The following OR5D16 variants were observed in gnomAD, a reference collection of about 807,000 sequenced individuals.
The protein encoded by OR5D16 is olfactory receptor 5D16.
For missense variants in OR5D16, 477 were observed against 385.5 expected (o/e 1.24, Z -1.99); for synonymous variants, 185 against 153.2 (o/e 1.21, Z -1.53).
chr11:55,838,836 C>G lies in OR5D16; in HGVS notation c.85C>G (p.Leu29Val). The G allele has an allele frequency of 6.2e-7, 1 of 1,613,916 alleles. No individual in the cohort carries two copies. Among genetic ancestry groups the G allele is most frequent in the Non-Finnish European group, 8.5e-7 (1 of 1,179,876 alleles). ...AGATTACCTGGAACTGCAAATTCCCCTCTTCTTTGTATTTCTGGCAGTCTA... is the reference window on the plus strand; with the variant it reads ...AGATTACCTGGAACTGCAAATTCCCGTCTTCTTTGTATTTCTGGCAGTCTA... Reference protein sequence around the residue: ...FSDYLELQIPLFFVFLAVYGF... With the variant: ...FSDYLELQIPVFFVFLAVYGF... Residue 29 changes from leucine to valine, a missense_variant, in exon 1 of 1, where the codon CTC becomes GTC. Physicochemically the swap from Leu to Val is conservative, Grantham distance 32. Transcript: ENST00000378396.
rs1219814150 is a variant in OR5D16, at chr11:55,838,816, A to G, written c.65A>G (p.Tyr22Cys). The G allele has an allele frequency of 6.2e-7, 1 of 1,613,716 alleles. No individual in the cohort carries two copies. Among genetic ancestry groups the G allele is most frequent in the South Asian group, 1.1e-5 (1 of 91,076 alleles). ...TTCACTCTCTTGGGCTTCTCAGATT[A>G]CCTGGAACTGCAAATTCCCCTCTTC... ...ATFTLLGFSD[Y>C]LELQIPLFFV... Residue 22 changes from tyrosine (Y) to cysteine (C), a missense_variant, in exon 1 of 1, where the codon TAC becomes TGC. By Grantham distance (194) the Tyr-to-Cys change is radical (BLOSUM62 -2). Transcript: ENST00000378396.
rs1471863057 is a variant in OR5D16, at chr11:55,839,230, C to A, written c.479C>A (p.Thr160Lys). ...LYAWGVACSL[T>K]LACSALKLSF... ...GCATGGGGAGTCGCATGTTCCCTGA[C>A]ACTCGCGTGCTCTGCTTTAAAGTTA... The change falls in exon 1 of 1, where the codon ACA (threonine) becomes AAA (lysine). Residue 160 changes from threonine to lysine, a missense_variant. Physicochemically the swap from Thr to Lys is moderately conservative, Grantham distance 78. Transcript: ENST00000378396. 6.2e-7 allele frequency: 1 copy of A among 1,614,008 alleles called. No homozygotes were observed. Among genetic ancestry groups the A allele is most frequent in the Admixed American group, 1.7e-5 (1 of 59,986 alleles).
In OR5D16 at chr11:55,839,424, G is replaced by T; in HGVS notation, c.673G>T (p.Val225Phe). ...IILTSYAFII[V>F]TTLKMPSASG... is the part of the protein sequence containing the mutation. Reference sequence around the variant, plus strand: ...TCTGACATCTTATGCATTCATCATTGTCACCACCTTGAAGATGCCTTCAGC... The same window carrying T: ...TCTGACATCTTATGCATTCATCATTTTCACCACCTTGAAGATGCCTTCAGC... Residue 225 changes from valine (V) to phenylalanine (F), a missense_variant, in exon 1 of 1, where the codon GTC becomes TTC. Val to Phe is a conservative substitution (Grantham distance 50, BLOSUM62 -1). Coordinates refer to ENST00000378396, the MANE Select transcript of OR5D16 (RefSeq NM_001005496.1). The T allele has an allele frequency of 3.1e-6, 5 of 1,613,840 alleles. No individual in the cohort carries two copies. The highest frequency in any genetic ancestry group is 4.2e-6 in the Non-Finnish European group (5 of 1,179,938).
Position 55,838,918 on chromosome 11 carries a change from A to T in OR5D16, c.167A>T (p.Lys56Ile). Residue 56 changes from lysine (K) to isoleucine (I), a missense_variant, in exon 1 of 1, where the codon AAA becomes ATA. Physicochemically the swap from Lys to Ile is moderately radical, Grantham distance 102 (BLOSUM62 -3). Transcript: ENST00000378396. The part of the protein sequence containing the change: ...GMIVIIKINP[K>I]LHTPMYFFLN... ...ATAGTGATCATCAAAATTAACCCAA[A>T]ATTGCATACCCCCATGTATTTTTTC... is the stretch of plus-strand genomic sequence containing the variant. The T allele has an allele frequency of 6.2e-7, 1 of 1,613,854 alleles. No individual in the cohort carries two copies. The highest frequency in any genetic ancestry group is 8.5e-7 in the Non-Finnish European group (1 of 1,179,902).
chr11:55,839,307 C>G lies in OR5D16; in HGVS notation c.556C>G (p.Leu186Val). The change falls in exon 1 of 1, where the codon CTG (leucine) becomes GTG (valine). Residue 186 changes from leucine (L) to valine (V), a missense_variant. Coordinates refer to ENST00000378396, the MANE Select transcript of OR5D16 (RefSeq NM_001005496.1). ...TCATTTCTTCTGTGAGTTATCCTCCCTGATATCACTCTCTTACCCTGACTC... is the reference window on the plus strand; with the variant it reads ...TCATTTCTTCTGTGAGTTATCCTCCGTGATATCACTCTCTTACCCTGACTC... ...INHFFCELSS[L>V]ISLSYPDSYL... 6.2e-7 allele frequency: 1 copy of G among 1,613,718 alleles called. No individual in the cohort carries two copies. The highest frequency in any genetic ancestry group is 8.5e-7 in the Non-Finnish European group (1 of 1,179,694).
In OR5D16 at chr11:55,839,356, T is replaced by C; in HGVS notation, c.605T>C (p.Phe202Ser). ...TCTTATCTCAGCCAGTTGCTTCTTT[T>C]CACTGTTGCCACTTTTAATGAGATA... ...PDSYLSQLLLFTVATFNEIST... is the reference protein window; with the variant it reads ...PDSYLSQLLLSTVATFNEIST... The change falls in exon 1 of 1, where the codon TTC becomes TCC. Residue 202 changes from phenylalanine (F) to serine (S), a missense_variant. By Grantham distance (155) the Phe-to-Ser change is radical. Transcript: ENST00000378396. The C allele has an allele frequency of 2.5e-6, 4 of 1,614,088 alleles. No individual in the cohort carries two copies. The highest frequency in any genetic ancestry group is 4.5e-5 in the East Asian group (2 of 44,882).
chr11:55,839,660 C>A lies in OR5D16; in HGVS notation c.909C>A (p.Ile303=), dbSNP rs898562436. ...GAAATAAAGATGTTAAGGATGCAAT[C>A]CGAAAAATAATCAATACAAAATATT... ...SLRNKDVKDA[I]RKIINTKYFH... is the part of the protein sequence containing the mutation. Residue 303 remains isoleucine, a synonymous_variant, in exon 1 of 1, where the codon ATC becomes ATA. Coordinates refer to ENST00000378396, the MANE Select transcript of OR5D16 (RefSeq NM_001005496.1). 3.1e-6 allele frequency: 5 copies of A among 1,611,010 alleles called. No homozygotes were observed. Among genetic ancestry groups the A allele is most frequent in the Non-Finnish European group, 4.2e-6 (5 of 1,177,442 alleles).
In OR5D16 at chr11:55,839,340, A is replaced by G. The variant is rs1488408808; in HGVS notation, c.589A>G (p.Ser197Gly). The change falls in exon 1 of 1, where the codon AGC (serine) becomes GGC (glycine). Residue 197 changes from serine (S) to glycine (G), a missense_variant. Physicochemically the swap from Ser to Gly is moderately conservative, Grantham distance 56. Transcript: ENST00000378396. ...ISLSYPDSYL[S>G]QLLLFTVATF... ...ACTCTCTTACCCTGACTCTTATCTC[A>G]GCCAGTTGCTTCTTTTCACTGTTGC... The G allele has an allele frequency of 4.3e-6, 7 of 1,610,520 alleles. No individual in the cohort carries two copies. The South Asian group carries it at 4.4e-5, about 10-fold the overall frequency.
Position 55,838,895 on chromosome 11 carries a change from A to G in OR5D16, c.144A>G (p.Ile48Met). 1 of 1,613,922 alleles carries G rather than the reference A, an allele frequency of 6.2e-7. No individual in the cohort carries two copies. The highest frequency in any genetic ancestry group is 1.7e-5 in the Admixed American group (1 of 59,988). ...GFSVVGNLGM[I>M]VIIKINPKLH... ...GTGTGGTAGGGAATCTTGGGATGATAGTGATCATCAAAATTAACCCAAAAT... is the reference window on the plus strand; with the variant it reads ...GTGTGGTAGGGAATCTTGGGATGATGGTGATCATCAAAATTAACCCAAAAT... Residue 48 changes from isoleucine to methionine, a missense_variant, in exon 1 of 1, where the codon ATA becomes ATG. Ile to Met is a conservative substitution (Grantham distance 10). Coordinates refer to ENST00000378396, the MANE Select transcript of OR5D16 (RefSeq NM_001005496.1).
Position 55,838,840 on chromosome 11 carries a change from T to A in OR5D16, c.89T>A (p.Phe30Tyr). The change falls in exon 1 of 1, where the codon TTC becomes TAC. Residue 30 changes from phenylalanine to tyrosine, a missense_variant. Transcript: ENST00000378396. ...SDYLELQIPL[F>Y]FVFLAVYGFS... ...TACCTGGAACTGCAAATTCCCCTCT[T>A]CTTTGTATTTCTGGCAGTCTACGGC... The A allele has an allele frequency of 6.2e-7, 1 of 1,613,934 alleles. No individual in the cohort carries two copies.
Position 55,839,072 on chromosome 11 carries a change from C to A in OR5D16, c.321C>A (p.Cys107Ter). Residue 107 changes from cysteine (C) to a stop codon, truncating the protein, a stop_gained, in exon 1 of 1, where the codon TGC (cysteine) becomes TGA (stop). Transcript: ENST00000378396. LOFTEE classifies it low-confidence loss of function (END_TRUNC). ...SGCLVQFFFF[C>*]TFVVTELILF... ...GTTTGGTGCAATTCTTTTTCTTTTG[C>A]ACCTTTGTAGTGACTGAATTAATTC... The A allele has an allele frequency of 2.5e-6, 4 of 1,613,972 alleles. No homozygotes were observed. Among genetic ancestry groups the A allele is most frequent in the Non-Finnish European group, 2.5e-6 (3 of 1,179,930 alleles).
rs752707669 is a variant in OR5D16 at position 55,839,681 on chromosome 11, A to G, written c.930A>G (p.Lys310=). ...CAATCCGAAAAATAATCAATACAAA[A>G]TATTTTCATATTAAACATAGGCATT... ...KDAIRKIINT[K]YFHIKHRHWY... is the part of the protein sequence containing the mutation. The change falls in exon 1 of 1, where the codon AAA becomes AAG. Residue 310 remains lysine, a synonymous_variant. Coordinates refer to ENST00000378396, the MANE Select transcript of OR5D16 (RefSeq NM_001005496.1). 5.6e-6 allele frequency: 9 copies of G among 1,602,934 alleles called. No individual in the cohort carries two copies. The highest frequency in any genetic ancestry group is 1.1e-5 in the South Asian group (1 of 90,732).
In OR5D16 at chr11:55,839,152, A is replaced by G; in HGVS notation, c.401A>G (p.Tyr134Cys). 6.2e-7 allele frequency: 1 copy of G among 1,613,998 alleles called. No individual in the cohort carries two copies. The highest frequency in any genetic ancestry group is 8.5e-7 in the Non-Finnish European group (1 of 1,179,970). ...HFVAICNPLL[Y>C]TVAISQKLCA... ...GTGGCCATTTGCAATCCTCTGCTCT[A>G]CACAGTTGCCATCTCCCAGAAACTC... is the stretch of plus-strand genomic sequence containing the variant. The change falls in exon 1 of 1, where the codon TAC becomes TGC. Residue 134 changes from tyrosine (Y) to cysteine (C), a missense_variant. By Grantham distance (194) the Tyr-to-Cys change is radical. Coordinates refer to ENST00000378396, the MANE Select transcript of OR5D16 (RefSeq NM_001005496.1).
rs748898066 is a variant in OR5D16, at chr11:55,839,017, T to C, written c.266T>C (p.Val89Ala). ...CCCATGATGCTGGTGAACCTGGTTG[T>C]AGAAGATAGAACCATTTCATTCTCA... is the stretch of plus-strand genomic sequence containing the variant. ...IAPMMLVNLVVEDRTISFSGC... is the reference protein window; with the variant it reads ...IAPMMLVNLVAEDRTISFSGC... Residue 89 changes from valine (V) to alanine (A), a missense_variant, in exon 1 of 1, where the codon GTA becomes GCA. Physicochemically the swap from Val to Ala is moderately conservative, Grantham distance 64. Coordinates refer to ENST00000378396, the MANE Select transcript of OR5D16 (RefSeq NM_001005496.1). 24 of 1,614,014 alleles carry C rather than the reference T, an allele frequency of 1.5e-5. No homozygotes were observed. The highest frequency in any genetic ancestry group is 1.7e-5 in the Non-Finnish European group (20 of 1,180,000).
chr11:55,839,331 T>G lies in OR5D16; in HGVS notation c.580T>G (p.Ser194Ala). ...SSLISLSYPD[S>A]YLSQLLLFTV... The stretch of plus-strand genomic sequence containing the variant: ...CCTGATATCACTCTCTTACCCTGAC[T>G]CTTATCTCAGCCAGTTGCTTCTTTT... The change falls in exon 1 of 1, where the codon TCT becomes GCT. Residue 194 changes from serine to alanine, a missense_variant. Transcript: ENST00000378396. The G allele has an allele frequency of 1.9e-6, 3 of 1,613,814 alleles. No individual in the cohort carries two copies. The highest frequency in any genetic ancestry group is 2.5e-6 in the Non-Finnish European group (3 of 1,179,886).
In OR5D16 at chr11:55,838,799, C is replaced by G; in HGVS notation, c.48C>G (p.Leu16=). The change falls in exon 1 of 1, where the codon CTC becomes CTG. Residue 16 remains leucine, a synonymous_variant. Coordinates refer to ENST00000378396, the MANE Select transcript of OR5D16 (RefSeq NM_001005496.1). ...CGACATCTGAGGCCACATTCACTCT[C>G]TTGGGCTTCTCAGATTACCTGGAAC... is the stretch of plus-strand genomic sequence containing the variant. ...RNTTSEATFT[L]LGFSDYLELQ... is the part of the protein sequence containing the mutation. 6.2e-7 allele frequency: 1 copy of G among 1,613,666 alleles called. No individual in the cohort carries two copies. The highest frequency in any genetic ancestry group is 1.1e-5 in the South Asian group (1 of 91,052).
rs886901971 is a variant in OR5D16, at chr11:55,839,602, T to A, written c.851T>A (p.Ile284Asn). 1 of 1,613,838 alleles carries A rather than the reference T, an allele frequency of 6.2e-7. No homozygotes were observed. Among genetic ancestry groups the A allele is most frequent in the African/African-American group, 1.3e-5 (1 of 74,884 alleles). Residue 284 changes from isoleucine (I) to asparagine (N), a missense_variant, in exon 1 of 1, where the codon ATC becomes AAC. Physicochemically the swap from Ile to Asn is moderately radical, Grantham distance 149. Transcript: ENST00000378396. ...GCCTCTGTGTTTTACACCGTGGTGATCCCCTTGTTGAATCCCCTGATCTAC... is the reference window on the plus strand; with the variant it reads ...GCCTCTGTGTTTTACACCGTGGTGAACCCCTTGTTGAATCCCCTGATCTAC... ...KVASVFYTVVIPLLNPLIYSL... is the reference protein window; with the variant it reads ...KVASVFYTVVNPLLNPLIYSL...
At position 55,839,536 on chromosome 11, in the gene OR5D16, G is replaced by C. The variant is rs773915836; in HGVS notation, c.785G>C (p.Cys262Ser). The C allele has an allele frequency of 8.1e-6, 13 of 1,613,832 alleles. No homozygotes were observed. Among genetic ancestry groups the C allele is most frequent in the African/African-American group, 8.0e-5 (6 of 74,862 alleles). The change falls in exon 1 of 1, where the codon TGT (cysteine) becomes TCT (serine). Residue 262 changes from cysteine (C) to serine (S), a missense_variant. Cys to Ser is a moderately radical substitution (Grantham distance 112). Coordinates refer to ENST00000378396, the MANE Select transcript of OR5D16 (RefSeq NM_001005496.1). ...CATGGCACCATCCTCTTCCTCTACTGTGTACCCAACTCCAAAAACTCCAGG... is the reference window on the plus strand; with the variant it reads ...CATGGCACCATCCTCTTCCTCTACTCTGTACCCAACTCCAAAAACTCCAGG... ...IFHGTILFLY[C>S]VPNSKNSRHT...
chr11:55,839,001 C>T lies in OR5D16; in HGVS notation c.250C>T (p.Leu84=). 6.2e-7 allele frequency: 1 copy of T among 1,614,090 alleles called. No homozygotes were observed. The highest frequency in any genetic ancestry group is 8.5e-7 in the Non-Finnish European group (1 of 1,179,972). Residue 84 remains leucine (L), a synonymous_variant, in exon 1 of 1, where the codon CTG becomes TTG. Transcript: ENST00000378396. ...TTCCTCCATCATTGCTCCCATGATG[C>T]TGGTGAACCTGGTTGTAGAAGATAG... ...CYSSIIAPMM[L]VNLVVEDRTI...
Sources: gnomAD v4.1 joint callset for allele counts on GRCh38, gnomAD v4.1.1 for gene constraint, MANE v1.5 for transcripts, NCBI Gene and HGNC (gene_info 2026-07-23, HGNC 2026-07-21) for gene names.